Variants in TTLL7 observed in about 807,000 individuals in gnomAD.
TTLL7 encodes tubulin polyglutamylase TTLL7.
TTLL7 carries 53 observed loss-of-function variants against 120.2 expected under a neutral mutation model. The observed-to-expected ratio is 0.44, with a 90% confidence interval of 0.35 to 0.55. The LOEUF is 0.55. Ranked by LOEUF, TTLL7 falls within the 20% of genes least tolerant of loss-of-function variation. The pLI, the probability that TTLL7 is intolerant of heterozygous loss-of-function variation, is 0.00. For missense variants in TTLL7, 803 were observed against 1,054.7 expected, an observed-to-expected ratio of 0.76 and a Z score of 3.31; for synonymous variants, 353 against 351.7, an observed-to-expected ratio of 1.00 and a Z score of -0.04.
intron 18 of TTLL7, among the ~76,000 whole-genome samples, chr1:83,894,823 T>C (rs1656074476): frequency 6.6e-6 from 1 of 152,058 alleles, no homozygotes; most frequent in South Asian, 2.1e-4. Flanking sequence ...AGCAAACCAC[T>C]GGGAACACGC....
chr1:83,935,725 T>C (rs1408693082), intron 8 of TTLL7, among the ~76,000 whole-genome samples: 1 of 152,162 alleles, frequency 6.6e-6, no homozygotes. Context: ...AGTTATAAAT[T>C]AAATTCAGGG....
At position 83,951,941 on chromosome 1, in the gene TTLL7, C is replaced by T. The variant is rs1384173415; in HGVS notation, c.61G>A (p.Glu21Lys). Residue 21 changes from glutamate to lysine, a missense_variant, in exon 3 of 21, where the codon GAA becomes AAA. Transcript: ENST00000260505. ...QGPSPLDLNTELPYQSTMKRK... is the reference protein window; with the variant it reads ...QGPSPLDLNTKLPYQSTMKRK... ...TTCATTGTGCTTTGATAAGGTAATT[C>T]TGTATTCAAATCCAGGGGAGAGGGT... 2.5e-6 allele frequency: 4 copies of T among 1,612,040 alleles called. No homozygotes were observed. In the Admixed American group the frequency reaches 6.7e-5, roughly 27 times the overall value.
intron 7 of TTLL7, among the ~76,000 whole-genome samples, chr1:83,939,410 A>G (rs1647721569): frequency 6.6e-6 from 1 of 152,216 alleles, no homozygotes; most frequent in Non-Finnish European, 1.5e-5. Flanking sequence ...ATTCTAGTGA[A>G]AAATTAAGTA....
At chr1:83,913,276 AT>A (rs544293188) in intron 14 of TTLL7, among the ~76,000 whole-genome samples, 39 of 152,322 alleles carry the variant, frequency 2.6e-4, no homozygotes, top group African/African-American at 8.7e-4. Context: ...TATATAAAAA[AT>A]GTATAAATAT....
In TTLL7 at chr1:83,911,211, T is replaced by C. The variant is rs1352449391; in HGVS notation, c.1740A>G (p.Thr580=). ...AGTGGTTGGAGGGTTTAAGATTATATGTAACTTGCTTTTCTCTTTTCTTAT... is the reference window on the plus strand; with the variant it reads ...AGTGGTTGGAGGGTTTAAGATTATACGTAACTTGCTTTTCTCTTTTCTTAT... ...YQNKKREKQV[T]YNLKPSNHYK... Residue 580 remains threonine (T), a synonymous_variant, in exon 15 of 21, where the codon ACA becomes ACG. Transcript: ENST00000260505. 2.5e-6 allele frequency: 4 copies of C among 1,613,256 alleles called. No individual in the cohort carries two copies. Among genetic ancestry groups the C allele is most frequent in the Admixed American group, 1.7e-5 (1 of 59,978 alleles).
intron 14 of TTLL7, among the ~76,000 whole-genome samples, chr1:83,917,373 T>C (rs745593359): frequency 4.6e-4 from 70 of 152,254 alleles, no homozygotes; most frequent in African/African-American, 1.6e-3. Flanking sequence ...TGGCCCTGAC[T>C]CATGGTCTTT....
At chr1:83,900,983 G>A (rs1486018005) in intron 18 of TTLL7, among the ~76,000 whole-genome samples, 1 of 151,906 alleles carries the variant, frequency 6.6e-6, no homozygotes, top group Non-Finnish European at 1.5e-5. Context: ...ATGGCTATCT[G>A]AAATCCATAA....
At chr1:83,951,719 G>A (rs1314587872) in intron 3 of TTLL7, 126 bp downstream of exon 3, 11 of 1,015,840 alleles carry the variant, frequency 1.1e-5, no homozygotes, top group Non-Finnish European at 1.4e-5. Context: ...AAATTTTATA[G>A]AAGGCATTTA....
chr1:83,931,487 A>G (rs1659594179), intron 9 of TTLL7, among the ~76,000 whole-genome samples: 1 of 151,894 alleles, frequency 6.6e-6, no homozygotes, highest in Admixed American at 6.6e-5. Context: ...ACTCTCCGAT[A>G]CACACAGGTA....
intron 1 of TTLL7, among the ~76,000 whole-genome samples, chr1:83,963,311 AG>A (rs1254372497): frequency 6.6e-6 from 1 of 152,076 alleles, no homozygotes; most frequent in Non-Finnish European, 1.5e-5. Flanking sequence ...GGAAGAAGAC[AG>A]GTTCTTTTGT....
At chr1:83,883,499 C>T (rs187107304) in intron 19 of TTLL7, among the ~76,000 whole-genome samples, 246 of 151,976 alleles carry the variant, frequency 1.6e-3, no homozygotes, top group Admixed American at 6.4e-3. Flanking sequence ...AAGTGATCCT[C>T]CCTCATTTTA....
chr1:83,950,684 G>A (rs1648955593), intron 3 of TTLL7, among the ~76,000 whole-genome samples: 1 of 152,118 alleles, frequency 6.6e-6, no homozygotes, highest in African/African-American at 2.4e-5. Flanking sequence ...ATAAGCAGAA[G>A]ACTTCAGGTA....
At chr1:83,973,252 G>C (rs192662058) in intron 1 of TTLL7, among the ~76,000 whole-genome samples, 100 of 152,144 alleles carry the variant, frequency 6.6e-4, no homozygotes, top group Admixed American at 6.4e-3. Context: ...TTTGTGAAGA[G>C]TGTAAAGCCT....
At chr1:83,985,732 T>G (rs1194286085) in intron 1 of TTLL7, among the ~76,000 whole-genome samples, 1 of 151,994 alleles carries the variant, frequency 6.6e-6, no homozygotes, top group Non-Finnish European at 1.5e-5. Flanking sequence ...AAAACCTATC[T>G]CAACAGAATC....
At chr1:83,937,816 A>T in intron 8 of TTLL7, 36 bp downstream of exon 8, 4 of 1,608,038 alleles carry the variant, frequency 2.5e-6, no homozygotes, top group Non-Finnish European at 3.4e-6. Context: ...ATTGCTGAGG[A>T]AAGACTGTTA....
chr1:83,995,899 T>C (rs1382607278), intron 1 of TTLL7, among the ~76,000 whole-genome samples: 1 of 152,222 alleles, frequency 6.6e-6, no homozygotes, highest in East Asian at 1.9e-4. Context: ...TGATAATACA[T>C]CTACCAAATG....
At chr1:83,918,427 A>G (rs1173233761) in intron 13 of TTLL7, among the ~76,000 whole-genome samples, 2 of 152,152 alleles carry the variant, frequency 1.3e-5, no homozygotes, top group African/African-American at 4.8e-5. Context: ...TCATTTAGTT[A>G]TTTAAGAAAG....
Position 83,957,872 on chromosome 1 carries a change from A to G in TTLL7, c.-176-5485T>C, listed in dbSNP as rs540124744. Among the ~76,000 whole-genome samples the G allele has an allele frequency of 2.0e-4, 30 of 152,284 alleles. No individual in the cohort carries two copies. In the South Asian group the frequency reaches 6.2e-3, roughly 32 times the overall value. On this transcript the variant is annotated intron_variant, in intron 1 of 20. Coordinates refer to ENST00000260505, the MANE Select transcript of TTLL7 (RefSeq NM_024686.6). ...AACCTAATTGTCTTGAGCCTTTTTT[A>G]TCTTAGACTTCCCAGCCTCCAGAAC...
chr1:83,968,086 C>T (rs1650646795), intron 1 of TTLL7, among the ~76,000 whole-genome samples: 1 of 152,014 alleles, frequency 6.6e-6, no homozygotes, highest in South Asian at 2.1e-4. Flanking sequence ...TGAAAACCAG[C>T]AACTTTGCTG....
Sources: gnomAD v4.1 joint callset for allele counts (sites outside exome capture counted in the v4.1 genomes callset) on GRCh38, gnomAD v4.1.1 for gene constraint, MANE v1.5 for transcripts, NCBI Gene and HGNC (gene_info 2026-07-23, HGNC 2026-07-21) for gene names.